Variants in COL28A1 observed in about 807,000 individuals in gnomAD.
COL28A1 encodes the protein collagen type XXVIII alpha 1 chain, also known as collagen alpha-1(XXVIII) chain.
Under a neutral mutation model 150.2 loss-of-function variants are expected in COL28A1, and 161 were observed. That is an observed-to-expected ratio of 1.07 (90% CI 0.94 to 1.22). COL28A1 has a LOEUF of 1.22. COL28A1 is among the 50% of genes most tolerant of loss of function. COL28A1 has a pLI of 0.00. For synonymous variants in COL28A1, 552 were observed against 469.7 expected (o/e 1.18, Z -2.26); for missense variants, 1,617 against 1,388.3 (o/e 1.16, Z -2.62).
chr7:7,388,320 T>C (rs1782322132), intron 27 of COL28A1, among the ~76,000 whole-genome samples: 1 of 152,158 alleles, frequency 6.6e-6, no homozygotes, highest in Non-Finnish European at 1.5e-5. Flanking sequence ...GCTTCATCCA[T>C]GTCTCTGCAA....
At position 7,373,264 on chromosome 7, in the gene COL28A1, A is replaced by G; in HGVS notation, c.2642T>C (p.Leu881Pro). ...LGEGTYTATA[L>P]QAANDMFEDA... ...TTCAAACATGTCGTTGGCTGCTTGC[A>G]GAGCAGTGGCTGTGTATGTGCCTTC... Residue 881 changes from leucine to proline, a missense_variant, in exon 32 of 35, where the codon CTG becomes CCG. Physicochemically the swap from Leu to Pro is moderately conservative, Grantham distance 98. Coordinates refer to ENST00000399429, the MANE Select transcript of COL28A1 (RefSeq NM_001037763.3). This position sits in a 1 kb window ranked among gnomAD's most constrained non-coding sequence, Gnocchi z 4.1. The G allele has an allele frequency of 6.2e-7, 1 of 1,614,194 alleles. No homozygotes were observed. The highest frequency in any genetic ancestry group is 8.5e-7 in the Non-Finnish European group (1 of 1,180,030).
intron 5 of COL28A1, among the ~76,000 whole-genome samples, chr7:7,521,509 A>C (rs1242093650): frequency 6.6e-6 from 1 of 152,236 alleles, no homozygotes; most frequent in Non-Finnish European, 1.5e-5. Context: ...GTGTGAAGCC[A>C]ACATTTAACT....
chr7:7,517,683 CA>C, intron 7 of COL28A1, 112 bp downstream of exon 7: 1 of 1,474,302 alleles, frequency 6.8e-7, no homozygotes, highest in Non-Finnish European at 9.4e-7. Flanking sequence ...ATCAAGAGCA[CA>C]AGGTAGATAG....
chr7:7,479,954 C>T (rs544260598), intron 13 of COL28A1, among the ~76,000 whole-genome samples: 1 of 152,134 alleles, frequency 6.6e-6, no homozygotes, highest in Non-Finnish European at 1.5e-5. Context: ...GAAGCTTTTC[C>T]TCTGATGAAT....
At chr7:7,382,207 G>A (rs775036834) in intron 27 of COL28A1, among the ~76,000 whole-genome samples, 14 of 152,082 alleles carry the variant, frequency 9.2e-5, no homozygotes, top group African/African-American at 2.2e-4. Flanking sequence ...CTATGCAGGC[G>A]GGTGAGGCAG....
chr7:7,365,790 G>A (rs1432002199), intron 33 of COL28A1, among the ~76,000 whole-genome samples: 2 of 152,124 alleles, frequency 1.3e-5, no homozygotes, highest in Non-Finnish European at 2.9e-5. Context: ...GGATTCTACT[G>A]CCACTGGGCT....
chr7:7,420,129 G>C, intron 25 of COL28A1, 176 bp from the exon 26 acceptor site: 1 of 391,456 alleles, frequency 2.6e-6, no homozygotes, highest in Non-Finnish European at 4.5e-6. Flanking sequence ...AACAGATCCA[G>C]GTCCATTTCA....
intron 11 of COL28A1, among the ~76,000 whole-genome samples, chr7:7,492,756 T>C (rs1263252734): frequency 6.6e-6 from 1 of 151,742 alleles, no homozygotes; most frequent in African/African-American, 2.4e-5. Context: ...TCCACATTTA[T>C]GATCCTTTGA....
In COL28A1 at chr7:7,400,975, G is replaced by GGGGTGTGTGT. The variant is rs1160269291; in HGVS notation, c.2136+16883_2136+16884insACACACACCC. On this transcript the variant is annotated intron_variant, in intron 27 of 34. Transcript: ENST00000399429. ...GTCCCATAGGACGTGTGGGTATTTG[G>GGGGTGTGTGT]GTGTGTGTGTGTGTGTGTGTGTGTG... 9.3e-3 allele frequency among the ~76,000 whole-genome samples: 1,113 copies of GGGGTGTGTGT among 119,106 alleles called. 26 individuals carry two copies. The highest frequency in any genetic ancestry group is 0.013 in the Non-Finnish European group (743 of 59,346). The allele number at this position is 119,106 out of a possible 152,430, so 78.1% of individuals were successfully genotyped here. A position where few individuals can be genotyped will look rare whatever the true frequency, so the allele number is the denominator to read the frequency against.
chr7:7,445,863 C>T (rs1174132815), intron 18 of COL28A1, among the ~76,000 whole-genome samples: 17 of 141,854 alleles, frequency 1.2e-4, no homozygotes, highest in African/African-American at 3.9e-4. Context: ...AACTTAATGC[C>T]TTTTTTTTTT....
chr7:7,413,448 A>G (rs1783896162), intron 27 of COL28A1, among the ~76,000 whole-genome samples: 1 of 152,218 alleles, frequency 6.6e-6, no homozygotes, highest in Admixed American at 6.5e-5. Context: ...CTTCCTGGGC[A>G]CACAGCATGA....
chr7:7,398,845 C>T (rs756805267), intron 27 of COL28A1, among the ~76,000 whole-genome samples: 2 of 152,174 alleles, frequency 1.3e-5, no homozygotes, highest in Non-Finnish European at 2.9e-5. Flanking sequence ...TCCTTGTCCT[C>T]CTGAGTGTTT....
At chr7:7,515,689 C>G (rs1781377462) in intron 8 of COL28A1, 125 bp downstream of exon 8, 1 of 706,590 alleles carries the variant, frequency 1.4e-6, no homozygotes, top group Non-Finnish European at 2.6e-6. Context: ...TATGTTAACT[C>G]AGGAATGAGG....
chr7:7,517,756 G>C (rs372332558), intron 7 of COL28A1, 40 bp downstream of exon 7: 5 of 1,612,172 alleles, frequency 3.1e-6, no homozygotes, highest in Non-Finnish European at 4.2e-6. Context: ...CAGTAACCTA[G>C]GATCACTTTC....
At chr7:7,491,989 T>A (rs542417030) in intron 11 of COL28A1, among the ~76,000 whole-genome samples, 2 of 152,196 alleles carry the variant, frequency 1.3e-5, no homozygotes, top group Non-Finnish European at 2.9e-5. Flanking sequence ...CATTCACACG[T>A]GTACCTTTAA....
intron 11 of COL28A1, 74 bp from the exon 12 acceptor site, chr7:7,490,720 T>C: frequency 1.4e-6 from 1 of 729,368 alleles, no homozygotes; most frequent in South Asian, 1.7e-5. Flanking sequence ...CTTTTAGATG[T>C]ATGGTTTTGC....
rs1280386677 is a variant in COL28A1, at chr7:7,452,364, A to T, written c.1464T>A (p.Pro488=). 3 of 1,603,994 alleles carry T rather than the reference A, an allele frequency of 1.9e-6. No individual in the cohort carries two copies. The change falls in exon 18 of 35, where the codon CCT becomes CCA. Residue 488 remains proline, a synonymous_variant. Transcript: ENST00000399429. ...TTCCCACTGGTCCTCGAGGGCCTGT[A>T]GGTCCCATTTGGCCTACTTCTCCCT... ...GSKGEVGQMG[P]TGPRGPVGIG...
intron 8 of COL28A1, among the ~76,000 whole-genome samples, chr7:7,513,810 G>A (rs1418417584): frequency 6.6e-6 from 1 of 152,166 alleles, no homozygotes; most frequent in Non-Finnish European, 1.5e-5. Context: ...GGCACAGATT[G>A]CCATCAATGA....
intron 9 of COL28A1, among the ~76,000 whole-genome samples, chr7:7,510,433 C>T (rs560701516): frequency 4.7e-4 from 71 of 152,150 alleles, no homozygotes; most frequent in African/African-American, 1.3e-3. Context: ...TACAGGTGCA[C>T]GCCACCATGC....
Sources: gnomAD v4.1 joint callset for allele counts (sites outside exome capture counted in the v4.1 genomes callset) on GRCh38, gnomAD v4.1.1 for gene constraint, Gnocchi (gnomAD v3.1) non-coding constraint, MANE v1.5 for transcripts, NCBI Gene and HGNC (gene_info 2026-07-23, HGNC 2026-07-21) for gene names.